PRKN: variants seen among roughly 807,000 people sequenced by gnomAD.
PRKN encodes the protein parkin RBR E3 ubiquitin protein ligase, also known as E3 ubiquitin-protein ligase parkin.
A neutral mutation model predicts 59.5 loss-of-function variants in PRKN; 56 were observed. That is an observed-to-expected ratio of 0.94 (90% CI 0.76 to 1.18). The LOEUF is 1.18. Among genes scored for constraint, PRKN ranks in the 50% most tolerant of loss-of-function variants. The pLI is 0.00. For missense variants in PRKN, 657 were observed against 596.4 expected (o/e 1.10, Z -1.06); for synonymous variants, 250 against 222.1 (o/e 1.13, Z -1.12).
rs552390422 is a variant in PRKN, at chr6:162,242,748, C to T, written c.412+19777G>A. Among the ~76,000 whole-genome samples, 4 of 152,266 alleles carry T rather than the reference C, an allele frequency of 2.6e-5. No homozygotes were observed. The South Asian group carries it at 6.2e-4, about 24-fold the overall frequency. On this transcript the variant is annotated intron_variant, in intron 3 of 11. Coordinates refer to ENST00000366898, the MANE Select transcript of PRKN (RefSeq NM_004562.3). The stretch of plus-strand genomic sequence containing the variant: ...TCACCTGTTGCAGGCTTTACACCTA[C>T]AGAGAGGCAGCTCCTCTTTGCCCCA...
chr6:161,547,839 A>G lies in PRKN; in HGVS notation c.1083+1015T>C, dbSNP rs1274853479. Among the ~76,000 whole-genome samples the G allele has an allele frequency of 2.0e-5, 3 of 152,146 alleles. No individual in the cohort carries two copies. ...TATGAATCCAGAGGTATTTCTTTCC[A>G]CTTAGGCACCATGGTATCTCATTAT... On this transcript the variant is annotated intron_variant, in intron 9 of 11. Transcript: ENST00000366898. This position sits in a 1 kb window ranked among gnomAD's most constrained non-coding sequence, Gnocchi z 4.0.
At chr6:162,625,973 T>C (rs1782869806) in intron 1 of PRKN, among the ~76,000 whole-genome samples, 1 of 152,194 alleles carries the variant, frequency 6.6e-6, no homozygotes, top group South Asian at 2.1e-4. Context: ...CAGGCAGACC[T>C]TGACTTACGC....
intron 3 of PRKN, among the ~76,000 whole-genome samples, chr6:162,249,763 A>G (rs1020466538): frequency 6.6e-6 from 1 of 152,186 alleles, no homozygotes. Context: ...TAACAGTCTC[A>G]TTGGAACTAT....
intron 1 of PRKN, among the ~76,000 whole-genome samples, chr6:162,502,224 G>A (rs909542846): frequency 6.6e-6 from 1 of 152,094 alleles, no homozygotes; most frequent in Non-Finnish European, 1.5e-5. Flanking sequence ...CCAGTGGTGC[G>A]ATCATGTCTC....
At chr6:162,473,544 CATG>C (rs1791862479) in intron 1 of PRKN, among the ~76,000 whole-genome samples, 1 of 151,640 alleles carries the variant, frequency 6.6e-6, no homozygotes, top group Non-Finnish European at 1.5e-5. Context: ...TTCTGGTGGC[CATG>C]ATAAAAAAGT....
chr6:161,658,284 C>T lies in PRKN; in HGVS notation c.872-88868G>A, dbSNP rs995676426. ...ATTGCATTATTCATGAGCCATGCTC[C>T]GTTAATTGGAAGTGTTGGTCAATTA... On this transcript the variant is annotated intron_variant, in intron 7 of 11. Coordinates refer to ENST00000366898, the MANE Select transcript of PRKN (RefSeq NM_004562.3). Among the ~76,000 whole-genome samples, 8 of 152,142 alleles carry T rather than the reference C, an allele frequency of 5.3e-5. No individual in the cohort carries two copies. The East Asian group carries it at 9.7e-4, about 18-fold the overall frequency.
rs556505209 is a variant in PRKN, at chr6:161,439,239, C to T, written c.1084-52362G>A. ...CAATGACTCATTAGTCCCGGGCTCA[C>T]GGCAGATGCGGTCTCCCAACAACTG... is the stretch of plus-strand genomic sequence containing the variant. On this transcript the variant is annotated intron_variant, in intron 9 of 11. Coordinates refer to ENST00000366898, the MANE Select transcript of PRKN (RefSeq NM_004562.3). Among the ~76,000 whole-genome samples, 10 of 152,272 alleles carry T rather than the reference C, an allele frequency of 6.6e-5. No individual in the cohort carries two copies. In the South Asian group the frequency reaches 1.2e-3, roughly 19 times the overall value.
In PRKN at chr6:161,775,101, T is replaced by C. The variant is rs377395053; in HGVS notation, c.871+10671A>G. On this transcript the variant is annotated intron_variant, in intron 7 of 11. Coordinates refer to ENST00000366898, the MANE Select transcript of PRKN (RefSeq NM_004562.3). Reference sequence around the variant, plus strand: ...AAACAGACAGGCAGACACATGGAGATTGCATGTGGATAGGCTCTGGGTAGT... The same window carrying C: ...AAACAGACAGGCAGACACATGGAGACTGCATGTGGATAGGCTCTGGGTAGT... Among the ~76,000 whole-genome samples, 57 of 152,238 alleles carry C rather than the reference T, an allele frequency of 3.7e-4. 1 individual carries two copies. The highest frequency in any genetic ancestry group is 3.1e-3 in the South Asian group (15 of 4,822).
intron 2 of PRKN, among the ~76,000 whole-genome samples, chr6:162,364,544 G>T (rs1346093378): frequency 6.6e-6 from 1 of 152,222 alleles, no homozygotes; most frequent in African/African-American, 2.4e-5. Context: ...AGAAGAAAAG[G>T]GGCTTCAAAC....
chr6:162,093,655 C>A (rs1030817051), intron 4 of PRKN, among the ~76,000 whole-genome samples: 4 of 152,160 alleles, frequency 2.6e-5, no homozygotes, highest in African/African-American at 9.7e-5. Context: ...CTCTCCTGTA[C>A]CCCCTAAACA....
intron 1 of PRKN, among the ~76,000 whole-genome samples, chr6:162,567,968 T>C (rs879398508): frequency 6.6e-6 from 1 of 152,122 alleles, no homozygotes; most frequent in African/African-American, 2.4e-5. Flanking sequence ...TCCACACACC[T>C]ACAGCAAACT....
At chr6:162,491,790 G>A (rs570218437) in intron 1 of PRKN, among the ~76,000 whole-genome samples, 40 of 152,196 alleles carry the variant, frequency 2.6e-4, no homozygotes, top group Non-Finnish European at 4.6e-4. Flanking sequence ...CGCACAATCA[G>A]GGACTTCCGG....
chr6:161,564,738 C>T (rs1387355011), intron 8 of PRKN, among the ~76,000 whole-genome samples: 2 of 152,144 alleles, frequency 1.3e-5, no homozygotes, highest in South Asian at 2.1e-4. Context: ...TTCTCTCTCT[C>T]TCTCTCATTT....
intron 7 of PRKN, among the ~76,000 whole-genome samples, chr6:161,663,182 T>C (rs1011151969): frequency 1.3e-5 from 2 of 152,206 alleles, no homozygotes; most frequent in Admixed American, 6.5e-5. Flanking sequence ...CCATTATGCC[T>C]CTTTTTCTTT....
intron 1 of PRKN, among the ~76,000 whole-genome samples, chr6:162,472,691 C>G (rs1016356765): frequency 4.0e-5 from 5 of 126,240 alleles, no homozygotes; most frequent in African/African-American, 1.4e-4. Flanking sequence ...CGGGGTTTCA[C>G]CTTGTTAGCC....
chr6:162,311,105 G>A (rs1354233130), intron 2 of PRKN, among the ~76,000 whole-genome samples: 2 of 152,108 alleles, frequency 1.3e-5, no homozygotes, highest in African/African-American at 4.8e-5. Context: ...AAATAACAAG[G>A]TCATAGTCTC....
At chr6:162,037,175 G>A (rs566359619) in intron 5 of PRKN, among the ~76,000 whole-genome samples, 59 of 152,254 alleles carry the variant, frequency 3.9e-4, no homozygotes, top group Non-Finnish European at 7.4e-4. Context: ...TTTCAAAAAT[G>A]TGACTAGACA....
At chr6:162,065,547 T>C (rs1778298205) in intron 4 of PRKN, among the ~76,000 whole-genome samples, 1 of 151,570 alleles carries the variant, frequency 6.6e-6, no homozygotes, top group Admixed American at 6.6e-5. Context: ...ACAATTCTTT[T>C]CTTTTTCTTT....
intron 1 of PRKN, among the ~76,000 whole-genome samples, chr6:162,461,385 C>G (rs993239331): frequency 1.6e-4 from 24 of 148,750 alleles, no homozygotes; most frequent in Non-Finnish European, 3.3e-4. Context: ...ACCTGTAATA[C>G]CAGCTACTCA....
Sources: gnomAD v4.1 joint callset for allele counts (sites outside exome capture counted in the v4.1 genomes callset) on GRCh38, gnomAD v4.1.1 for gene constraint, Gnocchi (gnomAD v3.1) non-coding constraint, MANE v1.5 for transcripts, NCBI Gene and HGNC (gene_info 2026-07-23, HGNC 2026-07-21) for gene names.